Variants in PTPRQ observed in about 807,000 individuals in gnomAD.
PTPRQ encodes protein tyrosine phosphatase receptor type Q, also known as phosphatidylinositol phosphatase PTPRQ.
In PTPRQ, 199 loss-of-function variants were observed where a neutral mutation model predicts 246.0. The ratio of observed to expected loss-of-function variants is 0.81; its 90% CI spans 0.72 to 0.91. The LOEUF (loss-of-function observed/expected upper bound fraction) is 0.91. Ranked by LOEUF, PTPRQ falls within the 40% of genes least tolerant of loss-of-function variation. The pLI is 0.00. For missense variants in PTPRQ, 2,624 were observed against 2,528.4 expected (o/e 1.04, Z -0.81); for synonymous variants, 869 against 853.2 (o/e 1.02, Z -0.32).
chr12:80,495,296 A>G lies in PTPRQ; in HGVS notation c.1807A>G (p.Thr603Ala), dbSNP rs746192915. ...EYPNGKITHY[T>A]IYAMELDTNR... ...TCCCAATGGAAAAATAACTCACTAT[A>G]CGATTTATGCAATGGAATTGGATAC... Residue 603 changes from threonine (T) to alanine (A), a missense_variant, in exon 12 of 45, where the codon ACG becomes GCG. Thr to Ala is a moderately conservative substitution (Grantham distance 58, BLOSUM62 0). Transcript: ENST00000644991. 9 of 1,546,280 alleles carry G rather than the reference A, an allele frequency of 5.8e-6. No individual in the cohort carries two copies. The South Asian group carries it at 9.7e-5, about 17-fold the overall frequency.
At chr12:80,542,625 T>C in intron 22 of PTPRQ, 105 bp from the exon 23 acceptor site, 1 of 1,299,002 alleles carries the variant, frequency 7.7e-7, no homozygotes, top group South Asian at 1.6e-5. Flanking sequence ...AATATGATCA[T>C]TTTATAAATC....
chr12:80,636,589 G>A (rs1429942838), intron 35 of PTPRQ, among the ~76,000 whole-genome samples: 1 of 148,236 alleles, frequency 6.7e-6, no homozygotes, highest in Non-Finnish European at 1.5e-5. Context: ...AATGCACAAG[G>A]GAAAAAATTC....
In PTPRQ at chr12:80,649,655, CAAG is replaced by C. The variant is rs1438929893; in HGVS notation, c.6016_6018del (p.Glu2006del). 3 of 1,548,648 alleles carry C rather than the reference CAAG, an allele frequency of 1.9e-6. No individual in the cohort carries two copies. Among genetic ancestry groups the C allele is most frequent in the Non-Finnish European group, 8.7e-7 (1 of 1,145,338 alleles). Reference sequence around the variant, plus strand: ...TTGCACAAACAACAACCTAAAGTTTCAAGAAGAATTTTCGGTATGTTACTAGCA... The same window carrying C: ...TTGCACAAACAACAACCTAAAGTTTCAAGAATTTTCGGTATGTTACTAGCA... On this transcript the variant is annotated inframe_deletion, in exon 37 of 45. Coordinates refer to ENST00000644991, the MANE Select transcript of PTPRQ (RefSeq NM_001145026.2).
chr12:80,507,134 T>C (rs1022271447), intron 16 of PTPRQ, among the ~76,000 whole-genome samples: 3 of 151,964 alleles, frequency 2.0e-5, no homozygotes, highest in African/African-American at 4.8e-5. Flanking sequence ...TTCTGCATAA[T>C]TGGACAAGAT....
intron 6 of PTPRQ, chr12:80,462,119 G>A: frequency 1.9e-6 from 1 of 520,444 alleles, no homozygotes; most frequent in Non-Finnish European, 3.5e-6. Context: ...GTCAAAGAAA[G>A]GGGTGACAGA....
At chr12:80,515,243 A>G (rs114464963) in intron 17 of PTPRQ, among the ~76,000 whole-genome samples, 39 of 152,164 alleles carry the variant, frequency 2.6e-4, no homozygotes, top group African/African-American at 9.4e-4. Context: ...ATGGGTTTGA[A>G]TCTTGGCTCT....
chr12:80,635,149 G>A (rs1229665077), intron 35 of PTPRQ, 76 bp downstream of exon 35: 1 of 1,494,142 alleles, frequency 6.7e-7, no homozygotes, highest in Non-Finnish European at 8.9e-7. Flanking sequence ...ATGCTTGTTG[G>A]AAGTGTTTGT....
At position 80,496,398 on chromosome 12, in the gene PTPRQ, C is replaced by T. The variant is rs1565745686; in HGVS notation, c.2139C>T (p.Asn713=). The T allele has an allele frequency of 1.3e-6, 2 of 1,550,604 alleles. No homozygotes were observed. Among genetic ancestry groups the T allele is most frequent in the Admixed American group, 2.0e-5 (1 of 50,932 alleles). Residue 713 remains asparagine (N), a synonymous_variant, in exon 14 of 45, where the codon AAC becomes AAT. Coordinates refer to ENST00000644991, the MANE Select transcript of PTPRQ (RefSeq NM_001145026.2). The stretch of plus-strand genomic sequence containing the variant: ...ATATAGATACTTTATATATGAAGAA[C>T]ACATCAACAACAGACATAATATTAA... ...YKNIDTLYMK[N]TSTTDIILRN... is the part of the protein sequence containing the mutation.
At position 80,535,039 on chromosome 12, in the gene PTPRQ, T is replaced by C; in HGVS notation, c.2985+2T>C. 1 of 1,510,088 alleles carries C rather than the reference T, an allele frequency of 6.6e-7. No homozygotes were observed. Among genetic ancestry groups the C allele is most frequent in the Non-Finnish European group, 8.8e-7 (1 of 1,133,694 alleles). The allele number at this position is 1,510,088 out of a possible 1,614,324, so 93.5% of individuals were successfully genotyped here. A position where few individuals can be genotyped will look rare whatever the true frequency, so the allele number is the denominator to read the frequency against. On this transcript the variant is annotated splice_donor_variant, in intron 19 of 44. Transcript: ENST00000644991. LOFTEE classifies it high-confidence loss of function. ...AATACTTCAGGTACTTTTATGCAGG[T>C]AAGAACTGAATTTTCTTCTAGTTCT...
At chr12:80,480,448 A>T (rs989991052) in intron 8 of PTPRQ, among the ~76,000 whole-genome samples, 3 of 151,586 alleles carry the variant, frequency 2.0e-5, no homozygotes, top group Non-Finnish European at 4.4e-5. Context: ...ACAGCCTAAC[A>T]TCACAATTAA....
intron 8 of PTPRQ, among the ~76,000 whole-genome samples, chr12:80,477,719 C>A (rs961576761): frequency 6.6e-6 from 1 of 152,170 alleles, no homozygotes; most frequent in East Asian, 1.9e-4. Flanking sequence ...ACTCGGGAAG[C>A]GCAAGGGGTC....
At chr12:80,640,844 A>T (rs1268280297) in intron 35 of PTPRQ, among the ~76,000 whole-genome samples, 2 of 152,194 alleles carry the variant, frequency 1.3e-5, no homozygotes, top group African/African-American at 4.8e-5. Flanking sequence ...ACATTGACTC[A>T]TAATGTGCAT....
intron 39 of PTPRQ, among the ~76,000 whole-genome samples, chr12:80,666,062 GTATA>G (rs1263586867): frequency 1.3e-5 from 2 of 152,002 alleles, no homozygotes; most frequent in African/African-American, 4.8e-5. Context: ...CCACTACTGG[GTATA>G]TATCCAAAGG....
intron 35 of PTPRQ, among the ~76,000 whole-genome samples, chr12:80,642,991 G>GAATA (rs1374665762): frequency 6.6e-6 from 1 of 151,046 alleles, no homozygotes. Context: ...TAGGCACTGG[G>GAATA]AATAGTGTGA....
chr12:80,480,722 A>G (rs1191970194), intron 8 of PTPRQ, among the ~76,000 whole-genome samples: 3 of 152,190 alleles, frequency 2.0e-5, no homozygotes, highest in Non-Finnish European at 4.4e-5. Flanking sequence ...AATACAAACT[A>G]CCATCAGAGA....
At chr12:80,478,376 C>T (rs1893899004) in intron 8 of PTPRQ, among the ~76,000 whole-genome samples, 1 of 151,884 alleles carries the variant, frequency 6.6e-6, no homozygotes, top group Admixed American at 6.5e-5. Context: ...AAAAACCCAT[C>T]TGTACATCAC....
At chr12:80,529,534 TATTCAGG>T (rs1316913134) in intron 17 of PTPRQ, among the ~76,000 whole-genome samples, 1 of 152,160 alleles carries the variant, frequency 6.6e-6, no homozygotes, top group Admixed American at 6.5e-5. Flanking sequence ...GTGGTTTGGG[TATTCAGG>T]ATTCCTTCAT....
intron 35 of PTPRQ, among the ~76,000 whole-genome samples, chr12:80,642,226 T>G (rs1031613314): frequency 6.6e-6 from 1 of 152,222 alleles, no homozygotes; most frequent in Non-Finnish European, 1.5e-5. Context: ...GAAATGTTAT[T>G]GCCTGCCTGT....
chr12:80,552,646 TATATATATATATATATATATATATA>T, intron 25 of PTPRQ, among the ~76,000 whole-genome samples: 1 of 618 alleles, frequency 1.6e-3, no homozygotes, highest in East Asian at 0.019. Flanking sequence ...AAAAAAAAAT[TATATATATATATATATATATATATA>T]TATATATATA....
Sources: allele counts gnomAD v4.1 joint callset (sites outside exome capture counted in the v4.1 genomes callset), GRCh38; gene constraint gnomAD v4.1.1; transcripts MANE v1.5; gene names NCBI Gene and HGNC (gene_info 2026-07-23, HGNC 2026-07-21).